BAALC: variants seen among roughly 807,000 people sequenced by gnomAD.
BAALC encodes the protein brain and acute leukemia cytoplasmic protein.
In BAALC, 9 loss-of-function variants were observed where a neutral mutation model predicts 15.5. The observed-to-expected ratio is 0.58, with a 90% CI of 0.35 to 1.02. BAALC has a LOEUF of 1.02. Ranked by LOEUF, BAALC falls within the 50% of genes least tolerant of loss-of-function variation. The pLI, the probability that BAALC is intolerant of heterozygous loss-of-function variation, is 0.02. For synonymous variants in BAALC, 80 were observed against 74.6 expected, an observed-to-expected ratio of 1.07 and a Z score of -0.37; for missense variants, 201 against 192.4, an observed-to-expected ratio of 1.04 and a Z score of -0.27.
intron 1 of BAALC, among the ~76,000 whole-genome samples, chr8:103,198,914 T>C (rs1481986648): frequency 6.6e-6 from 1 of 152,126 alleles, no homozygotes; most frequent in Non-Finnish European, 1.5e-5. Context: ...CTGAAAGCTG[T>C]CATTTGCACA....
rs75942286 is a variant in BAALC, at chr8:103,164,237, G to A, written c.160+23180G>A. Among the ~76,000 whole-genome samples, 146 of 152,266 alleles carry A rather than the reference G, an allele frequency of 9.6e-4. 3 individuals are homozygous for A. In the East Asian group the frequency reaches 0.024, roughly 25 times the overall value. ...CAGGAATGGGCTTAATGTGATTGAGGCACAGAGTGAGGTGAAAGTAACTGG... is the reference window on the plus strand; with the variant it reads ...CAGGAATGGGCTTAATGTGATTGAGACACAGAGTGAGGTGAAAGTAACTGG... On this transcript the variant is annotated intron_variant, in intron 1 of 2. Coordinates refer to ENST00000309982, the MANE Select transcript of BAALC (RefSeq NM_024812.3).
chr8:103,174,756 T>C (rs921968264), intron 1 of BAALC, among the ~76,000 whole-genome samples: 1 of 152,166 alleles, frequency 6.6e-6, no homozygotes, highest in Non-Finnish European at 1.5e-5. Flanking sequence ...TACATTCCCA[T>C]AGTAATGGTT....
intron 1 of BAALC, among the ~76,000 whole-genome samples, chr8:103,156,246 A>G (rs1811088310): frequency 6.6e-6 from 1 of 152,230 alleles, no homozygotes; most frequent in Non-Finnish European, 1.5e-5. Flanking sequence ...CACTCAAATA[A>G]TGTTTCTAGA....
intron 1 of BAALC, among the ~76,000 whole-genome samples, chr8:103,142,675 T>C (rs113050704): frequency 4.6e-5 from 7 of 152,300 alleles, no homozygotes; most frequent in African/African-American, 1.7e-4. Context: ...CCGTGGTGAC[T>C]GGGAGTATAT....
rs781480393 is a variant in BAALC, at chr8:103,168,212, T to TA, written c.160+27156dup. ...ACTTTATCAGTTCTCTTGGAGTAAC[T>TA]ACTGTCAACTATTTAAGCTCGTTCT... On this transcript the variant is annotated intron_variant, in intron 1 of 2. Coordinates refer to ENST00000309982, the MANE Select transcript of BAALC (RefSeq NM_024812.3). Among the ~76,000 whole-genome samples the TA allele has an allele frequency of 1.7e-3, 254 of 152,332 alleles. 1 individual carries two copies. The highest frequency in any genetic ancestry group is 1.8e-3 in the Non-Finnish European group (125 of 68,024).
intron 1 of BAALC, among the ~76,000 whole-genome samples, chr8:103,148,077 C>T (rs746452092): frequency 9.9e-5 from 15 of 152,174 alleles, no homozygotes; most frequent in South Asian, 2.1e-4. Flanking sequence ...CTCTCTACCC[C>T]GGTACCTCAG....
intron 1 of BAALC, 107 bp downstream of exon 1, chr8:103,141,164 G>A: frequency 7.8e-7 from 1 of 1,281,944 alleles, no homozygotes; most frequent in East Asian, 3.1e-5. Context: ...GGCGCGGCGG[G>A]GGTGGCTGGG....
At chr8:103,206,781 G>A (rs1395053960) in intron 1 of BAALC, among the ~76,000 whole-genome samples, 2 of 152,116 alleles carry the variant, frequency 1.3e-5, no homozygotes, top group African/African-American at 2.4e-5. Flanking sequence ...AGGAGGGAGG[G>A]AGAGAAGCAG....
intron 1 of BAALC, among the ~76,000 whole-genome samples, chr8:103,189,336 T>C (rs1011358786): frequency 6.6e-6 from 1 of 152,228 alleles, no homozygotes; most frequent in Admixed American, 6.5e-5. Context: ...TGTGCGAGAA[T>C]TTTCAAACAT....
intron 1 of BAALC, among the ~76,000 whole-genome samples, chr8:103,178,659 C>T (rs1422571491): frequency 1.3e-5 from 2 of 152,144 alleles, no homozygotes; most frequent in African/African-American, 4.8e-5. Flanking sequence ...AAGTTCAAGA[C>T]CAGCCTGGCC....
At chr8:103,207,011 G>T (rs185240982) in intron 1 of BAALC, among the ~76,000 whole-genome samples, 2 of 152,280 alleles carry the variant, frequency 1.3e-5, no homozygotes, top group Admixed American at 1.3e-4. Flanking sequence ...CTCCTGGTAA[G>T]GGGGCTCCCT....
At chr8:103,200,674 G>A (rs1812194851) in intron 1 of BAALC, 1 of 698,350 alleles carries the variant, frequency 1.4e-6, no homozygotes, top group African/African-American at 1.7e-5. Context: ...AGGCTGAGAA[G>A]TCCAAGATCA....
At chr8:103,189,733 G>C (rs540346825) in intron 1 of BAALC, among the ~76,000 whole-genome samples, 38 of 152,318 alleles carry the variant, frequency 2.5e-4, no homozygotes, top group African/African-American at 6.5e-4. Context: ...GGAGCCTAGG[G>C]ATACTCACCT....
intron 1 of BAALC, among the ~76,000 whole-genome samples, chr8:103,207,506 C>T (rs554193762): frequency 9.9e-5 from 15 of 152,150 alleles, no homozygotes; most frequent in African/African-American, 3.4e-4. Context: ...ATGTAGATTC[C>T]TCTGGTGCCC....
At chr8:103,141,239 A>T (rs1210851640) in intron 1 of BAALC, 182 bp downstream of exon 1, 1 of 642,818 alleles carries the variant, frequency 1.6e-6, no homozygotes, top group African/African-American at 1.9e-5. Flanking sequence ...AGTGGGGTCG[A>T]CCAGAGCCCC....
At chr8:103,198,114 A>G (rs1291183514) in intron 1 of BAALC, 1 of 701,994 alleles carries the variant, frequency 1.4e-6, no homozygotes, top group Non-Finnish European at 2.6e-6. Context: ...CTTGAGGAAC[A>G]TTACCATCTG....
At chr8:103,163,254 G>A (rs532702757) in intron 1 of BAALC, among the ~76,000 whole-genome samples, 4 of 151,766 alleles carry the variant, frequency 2.6e-5, no homozygotes, top group African/African-American at 4.8e-5. Flanking sequence ...CTCTACCCAC[G>A]TCTCTTCACG....
chr8:103,210,016 C>T (rs958607894), intron 1 of BAALC, among the ~76,000 whole-genome samples: 3 of 152,150 alleles, frequency 2.0e-5, no homozygotes, highest in African/African-American at 7.2e-5. Context: ...TCTTTATGGG[C>T]CTGTTTTCCT....
chr8:103,227,397 G>T (rs549756863), intron 2 of BAALC, among the ~76,000 whole-genome samples: 1 of 152,122 alleles, frequency 6.6e-6, no homozygotes, highest in African/African-American at 2.4e-5. Flanking sequence ...CTTCCAGGGG[G>T]ACTCCCTCAC....
Sources: allele counts gnomAD v4.1 joint callset (sites outside exome capture counted in the v4.1 genomes callset), GRCh38; gene constraint gnomAD v4.1.1; transcripts MANE v1.5; gene names NCBI Gene and HGNC (gene_info 2026-07-23, HGNC 2026-07-21).